Variants in RAB27A observed in about 807,000 individuals in gnomAD.
RAB27A encodes the protein ras-related protein Rab-27A.
RAB27A carries 17 observed loss-of-function variants against 20.8 expected under a neutral mutation model. The observed-to-expected ratio is 0.82, with a 90% CI of 0.56 to 1.23. The LOEUF (loss-of-function observed/expected upper bound fraction) is 1.23, where lower values mean the gene tolerates loss of function less well. RAB27A is among the 50% of genes most tolerant of loss of function. The pLI is 0.00. For missense variants in RAB27A, 277 were observed against 266.7 expected (o/e 1.04, Z -0.27); for synonymous variants, 85 against 92.8 (o/e 0.92, Z 0.48).
At chr15:55,296,670 T>C (rs1209533679) in intron 2 of RAB27A, among the ~76,000 whole-genome samples, 7 of 150,912 alleles carry the variant, frequency 4.6e-5, no homozygotes, top group African/African-American at 1.5e-4. Context: ...AATTAGACTA[T>C]AATTTTGCTT....
chr15:55,274,658 A>T (rs1487658420), intron 1 of RAB27A, among the ~76,000 whole-genome samples: 3 of 151,300 alleles, frequency 2.0e-5, no homozygotes, highest in Non-Finnish European at 3.0e-5. Context: ...GGTGCCTGTA[A>T]TCCCAGCTGC....
At chr15:55,242,014 ACACAGACATAT>A (rs1402623037) in intron 2 of RAB27A, among the ~76,000 whole-genome samples, 1 of 152,096 alleles carries the variant, frequency 6.6e-6, no homozygotes, top group Non-Finnish European at 1.5e-5. Flanking sequence ...TGCTACACAC[ACACAGACATAT>A]CACAGCCCAG....
intron 1 of RAB27A, among the ~76,000 whole-genome samples, chr15:55,286,806 A>T (rs1477411464): frequency 6.6e-6 from 1 of 151,852 alleles, no homozygotes; most frequent in African/African-American, 2.4e-5. Context: ...GGGTGGAAGC[A>T]GGGAAGCCCT....
chr15:55,308,770 C>G (rs909042046), intron 2 of RAB27A, among the ~76,000 whole-genome samples: 3 of 152,228 alleles, frequency 2.0e-5, no homozygotes, highest in African/African-American at 7.2e-5. Flanking sequence ...CTGACAGCCA[C>G]AAGTCTCCTT....
chr15:55,217,663 C>CAAAAAAAAAAAAAAAAAA (rs199813098), intron 6 of RAB27A, among the ~76,000 whole-genome samples: 1 of 43,550 alleles, frequency 2.3e-5, no homozygotes. Flanking sequence ...CACTCCATCT[C>CAAAAAAAAAAAAAAAAAA]AAAAAAAAAA....
intron 2 of RAB27A, among the ~76,000 whole-genome samples, chr15:55,249,927 A>C (rs1896823983): frequency 6.6e-6 from 1 of 152,048 alleles, no homozygotes; most frequent in Admixed American, 6.6e-5. Context: ...ATACTTTAAG[A>C]GTTCTGTAAA....
At position 55,267,268 on chromosome 15, in the gene RAB27A, G is replaced by A. The variant is rs1433595509; in HGVS notation, c.-23+2897C>T. On this transcript the variant is annotated intron_variant, in intron 2 of 6. Coordinates refer to ENST00000336787, the MANE Select transcript of RAB27A (RefSeq NM_183235.3). ...CTTAGACTATGTCATCAAGAAAGGA[G>A]GCCTGATAGGGTATGAAACGGGGAA... Among the ~76,000 whole-genome samples the A allele has an allele frequency of 2.6e-5, 4 of 152,292 alleles. 1 individual carries two copies. Among genetic ancestry groups the A allele is most frequent in the African/African-American group, 9.6e-5 (4 of 41,564 alleles).
chr15:55,249,190 T>C (rs779955221), intron 2 of RAB27A, among the ~76,000 whole-genome samples: 15 of 152,218 alleles, frequency 9.9e-5, no homozygotes, highest in Non-Finnish European at 1.5e-4. Context: ...TTTTTTGCTA[T>C]TATTGTTGTC....
At chr15:55,213,954 A>G (rs1257023229) in intron 6 of RAB27A, among the ~76,000 whole-genome samples, 1 of 152,262 alleles carries the variant, frequency 6.6e-6, no homozygotes, top group Non-Finnish European at 1.5e-5. Context: ...ATTGTCTTCC[A>G]TGAAACCAGT....
At chr15:55,296,324 C>T (rs940121875) in intron 2 of RAB27A, among the ~76,000 whole-genome samples, 1 of 151,618 alleles carries the variant, frequency 6.6e-6, no homozygotes. Flanking sequence ...GGTGAAAACC[C>T]GTCTCTACTA....
intron 6 of RAB27A, among the ~76,000 whole-genome samples, chr15:55,213,463 C>A (rs1192012458): frequency 6.6e-6 from 1 of 152,154 alleles, no homozygotes; most frequent in Non-Finnish European, 1.5e-5. Context: ...ATATTTAGAT[C>A]AAGGGTTCCC....
At chr15:55,254,868 G>C (rs1431292137) in intron 2 of RAB27A, among the ~76,000 whole-genome samples, 2 of 152,204 alleles carry the variant, frequency 1.3e-5, no homozygotes, top group Non-Finnish European at 2.9e-5. Context: ...TATGTCTATG[G>C]ATTTTTGTGA....
At chr15:55,214,953 T>C (rs1449387056) in intron 6 of RAB27A, among the ~76,000 whole-genome samples, 1 of 152,184 alleles carries the variant, frequency 6.6e-6, no homozygotes, top group African/African-American at 2.4e-5. Flanking sequence ...TTATATCCAT[T>C]AAAAATCAGT....
intron 2 of RAB27A, among the ~76,000 whole-genome samples, chr15:55,311,521 G>A (rs1264136037): frequency 6.6e-6 from 1 of 152,084 alleles, no homozygotes; most frequent in Non-Finnish European, 1.5e-5. Context: ...GGGGTAGGGA[G>A]GTAGACTCTG....
rs1555398018 is a variant in RAB27A at position 55,262,637 on chromosome 15, T to TTTTG, written c.-23+7524_-23+7527dup. On this transcript the variant is annotated intron_variant, in intron 2 of 6. Coordinates refer to ENST00000336787, the MANE Select transcript of RAB27A (RefSeq NM_183235.3). ...AGTCTTATCTCTTTTTTTTCTTTTTTTTTGTTTTTTTTTGAGACAAGATCT... is the reference window on the plus strand; with the variant it reads ...AGTCTTATCTCTTTTTTTTCTTTTTTTTTGTTTGTTTTTTTTTGAGACAAGATCT... 4.9e-5 allele frequency among the ~76,000 whole-genome samples: 5 copies of TTTTG among 102,920 alleles called. No homozygotes were observed. In the East Asian group the frequency reaches 2.4e-3, roughly 49 times the overall value. 67.5% of individuals were successfully genotyped at this position (102,920 alleles called of 152,430 possible).
At chr15:55,280,595 G>C (rs1897990995) in intron 1 of RAB27A, among the ~76,000 whole-genome samples, 2 of 150,936 alleles carry the variant, frequency 1.3e-5, no homozygotes, top group Non-Finnish European at 2.9e-5. Context: ...TGCCATGTTG[G>C]TTTGCTGCAC....
intron 2 of RAB27A, among the ~76,000 whole-genome samples, chr15:55,244,732 T>C (rs556826232): frequency 2.6e-5 from 4 of 152,336 alleles, no homozygotes; most frequent in African/African-American, 9.6e-5. Context: ...ATATAACTAT[T>C]ACTTTTCAAA....
intron 1 of RAB27A, 114 bp from the exon 2 acceptor site, chr15:55,270,398 G>A (rs1277511819): frequency 1.3e-5 from 2 of 152,206 alleles, no homozygotes; most frequent in African/African-American, 4.8e-5. Context: ...AGGCATCGCT[G>A]TAAAAACCCA....
In RAB27A at chr15:55,263,207, G is replaced by A. The variant is rs1334026956; in HGVS notation, c.-23+6958C>T. Among the ~76,000 whole-genome samples, 13 of 151,656 alleles carry A rather than the reference G, an allele frequency of 8.6e-5. No homozygotes were observed. The South Asian group carries it at 1.9e-3, about 22-fold the overall frequency. The stretch of plus-strand genomic sequence containing the variant: ...AATTCTGTTTCTTCCTTTTGCATTC[G>A]CCAGGGGGTAGGGGAGAGCAAAGGG... On this transcript the variant is annotated intron_variant, in intron 2 of 6. Coordinates refer to ENST00000336787, the MANE Select transcript of RAB27A (RefSeq NM_183235.3).
Sources: allele counts gnomAD v4.1 joint callset (sites outside exome capture counted in the v4.1 genomes callset), GRCh38; gene constraint gnomAD v4.1.1; transcripts MANE v1.5; gene names NCBI Gene and HGNC (gene_info 2026-07-23, HGNC 2026-07-21).